NCOR2: variants seen among roughly 807,000 people sequenced by gnomAD.
NCOR2 encodes the protein nuclear receptor corepressor 2.
Under a neutral mutation model 262.9 loss-of-function variants are expected in NCOR2, and 81 were observed. The ratio of observed to expected loss-of-function variants is 0.31; its 90% CI spans 0.26 to 0.37. The LOEUF is 0.37. Ranked by LOEUF, NCOR2 falls within the 10% of genes least tolerant of loss-of-function variation. NCOR2 has a pLI of 1.00. For missense variants in NCOR2, 3,385 were observed against 3,621.4 expected (o/e 0.93, Z 1.68); for synonymous variants, 1,659 against 1,559.3 (o/e 1.06, Z -1.51).
intron 20 of NCOR2, among the ~76,000 whole-genome samples, chr12:124,367,306 C>T (rs908772155): frequency 1.3e-5 from 2 of 152,008 alleles, no homozygotes; most frequent in Non-Finnish European, 2.9e-5. Context: ...CCTTCTTGAG[C>T]CCCCAGAGCA....
rs575921137 is a variant in NCOR2 at position 124,334,805 on chromosome 12, A to C, written c.6412-188T>G. On this transcript the variant is annotated intron_variant, in intron 40 of 46. Transcript: ENST00000405201. Reference sequence around the variant, plus strand: ...TGTGCATGGGAGTGGGGCTGTGGTCAGCGGTCCCAAGCTGGTAGTTGGCAG... The same window carrying C: ...TGTGCATGGGAGTGGGGCTGTGGTCCGCGGTCCCAAGCTGGTAGTTGGCAG... 8.8e-4 allele frequency: 524 copies of C among 594,582 alleles called. 2 individuals carry two copies. The highest frequency in any genetic ancestry group is 3.1e-3 in the Admixed American group (102 of 32,402). 36.8% of individuals were successfully genotyped at this position (594,582 alleles called of 1,614,324 possible). A position where few individuals can be genotyped will look rare whatever the true frequency, so the allele number is the denominator to read the frequency against.
chr12:124,402,760 C>T (rs560749021), intron 13 of NCOR2, among the ~76,000 whole-genome samples, 199 bp from the exon 16 acceptor site: 12 of 152,220 alleles, frequency 7.9e-5, no homozygotes, highest in South Asian at 6.2e-4. Flanking sequence ...GGGGTCTTGC[C>T]GCCCTAGGGG....
intron 1 of NCOR2, among the ~76,000 whole-genome samples, chr12:124,501,080 A>G (rs867546215): frequency 0.015 from 2,172 of 140,518 alleles, 40 homozygotes; most frequent in Admixed American, 0.051. Context: ...ACACACACAC[A>G]CACACACACA....
chr12:124,341,784 A>C, intron 34 of NCOR2, 39 bp downstream of exon 36: 1 of 1,565,098 alleles, frequency 6.4e-7, no homozygotes, highest in Non-Finnish European at 8.6e-7. Context: ...TTTGGGAATA[A>C]GGCCAAACCC....
chr12:124,474,915 C>T (rs1244880316), intron 3 of NCOR2, among the ~76,000 whole-genome samples: 1 of 152,108 alleles, frequency 6.6e-6, no homozygotes, highest in Non-Finnish European at 1.5e-5. Context: ...CCAGAGGACA[C>T]AGGGTGCATT....
intron 4 of NCOR2, 97 bp downstream of exon 6, chr12:124,472,855 C>T: frequency 1.3e-6 from 2 of 1,534,926 alleles, no homozygotes; most frequent in Non-Finnish European, 1.8e-6. Flanking sequence ...CACCCAGGAA[C>T]TTGGGAAGGG....
chr12:124,516,402 C>T (rs566104437), intron 1 of NCOR2, among the ~76,000 whole-genome samples: 48 of 152,250 alleles, frequency 3.2e-4, no homozygotes, highest in African/African-American at 1.0e-3. Context: ...CCTGGGGATC[C>T]CAAACAAAGG....
rs1242978640 is a variant in NCOR2, at chr12:124,451,238, C to T, written c.763-1371G>A. 3.3e-5 allele frequency among the ~76,000 whole-genome samples: 5 copies of T among 152,262 alleles called. No homozygotes were observed. The South Asian group carries it at 6.2e-4, about 19-fold the overall frequency. ...TACAACGCCGGCCCCCCGACTCCCT[C>T]GCTGGCCACGGAGGTGCAAGAGCTG... On this transcript the variant is annotated intron_variant, in intron 6 of 46. Coordinates refer to ENST00000405201, the Ensembl canonical transcript of NCOR2.
chr12:124,426,583 G>T (rs73225425), intron 11 of NCOR2, 39 bp downstream of exon 13: 5 of 1,526,208 alleles, frequency 3.3e-6, no homozygotes, highest in Non-Finnish European at 4.4e-6. Context: ...GGATGGGGGT[G>T]GGGGGCCGGG....
intron 19 of NCOR2, among the ~76,000 whole-genome samples, chr12:124,373,028 T>C (rs2039625742): frequency 6.6e-6 from 1 of 152,224 alleles, no homozygotes; most frequent in South Asian, 2.1e-4. Context: ...AAACTCAGGT[T>C]ACCTCTTGGG....
intron 1 of NCOR2, among the ~76,000 whole-genome samples, chr12:124,500,474 GAAA>G (rs1434943187): frequency 2.0e-5 from 3 of 152,230 alleles, no homozygotes; most frequent in Non-Finnish European, 4.4e-5. Flanking sequence ...ATCCACAGCG[GAAA>G]GCTCAGGCCG....
chr12:124,336,409 CAA>C (rs1165139654), intron 38 of NCOR2: 33 of 203,482 alleles, frequency 1.6e-4, no homozygotes, highest in South Asian at 3.6e-4. Context: ...AGCAAAAATC[CAA>C]AAAAAAAAAA....
rs533967291 is a variant in NCOR2, at chr12:124,325,691, C to G, written c.7364-108G>C. Reference sequence around the variant, plus strand: ...CAGAGGCCTCAGCGTTTCTGTCCAACAGTCCTCCCAGACCTTTCTAATTGC... The same window carrying G: ...CAGAGGCCTCAGCGTTTCTGTCCAAGAGTCCTCCCAGACCTTTCTAATTGC... On this transcript the variant is annotated intron_variant, in intron 46 of 46. Transcript: ENST00000405201. 1.2e-5 allele frequency: 8 copies of G among 693,568 alleles called. No individual in the cohort carries two copies. The South Asian group carries it at 4.9e-4, about 43-fold the overall frequency. The allele number at this position is 693,568 out of a possible 1,614,324, so 43.0% of individuals were successfully genotyped here. A position where few individuals can be genotyped will look rare whatever the true frequency, so the allele number is the denominator to read the frequency against.
chr12:124,551,068 T>C (rs890703550), intron 1 of NCOR2, among the ~76,000 whole-genome samples: 1 of 152,200 alleles, frequency 6.6e-6, no homozygotes, highest in African/African-American at 2.4e-5. Flanking sequence ...ATAAAAATAA[T>C]GATAGCTAAT....
rs201469143 is a variant in NCOR2, at chr12:124,372,500, C to T, written c.2329G>A (p.Gly777Arg). 1.4e-4 allele frequency: 227 copies of T among 1,584,202 alleles called. 1 individual carries two copies. The African/African-American group carries it at 1.9e-3, about 13-fold the overall frequency. The change falls in exon 20 of 47, where the codon GGG becomes AGG. Residue 777 changes from glycine to arginine, a missense_variant. By Grantham distance (125) the Gly-to-Arg change is moderately radical. Transcript: ENST00000405201. ...GGGGTGGGTGGCCCTGGGGGTGGCC[C>T]GTCGGCGCCCAGGGTGGCTGGGGGC...
upstream of NCOR2, among the ~76,000 whole-genome samples, chr12:124,500,128 G>A (rs1282081457): frequency 3.3e-5 from 5 of 152,110 alleles, no homozygotes; most frequent in African/African-American, 1.2e-4. Flanking sequence ...ACGGTGCCTG[G>A]GTGAGGTCAA....
intron 38 of NCOR2, 35 bp downstream of exon 40, chr12:124,336,718 G>A (rs1455679643): frequency 4.4e-6 from 7 of 1,607,758 alleles, no homozygotes; most frequent in African/African-American, 1.3e-5. Context: ...TGATAATCGC[G>A]TCTATGAAGG....
chr12:124,472,639 G>A (rs1036037955), intron 4 of NCOR2, among the ~76,000 whole-genome samples: 6 of 152,154 alleles, frequency 3.9e-5, no homozygotes, highest in Non-Finnish European at 7.3e-5. Context: ...TGTCTAATGC[G>A]GCAGCCTGTG....
rs779810896 is a variant in NCOR2, at chr12:124,356,824, G to A, written c.3101-42C>T. ...CTTCTCTGCTGAGGGCAGGAGGTGG[G>A]GCAGTCAGACCTCGGGAGCCCTGGC... On this transcript the variant is annotated intron_variant, in intron 22 of 46. Transcript: ENST00000405201. 2.1e-6 allele frequency: 3 copies of A among 1,436,100 alleles called. No homozygotes were observed. The South Asian group carries it at 4.6e-5, about 22-fold the overall frequency. 89.0% of individuals were successfully genotyped at this position (1,436,100 alleles called of 1,614,324 possible).
Sources: allele counts gnomAD v4.1 joint callset (sites outside exome capture counted in the v4.1 genomes callset), GRCh38; gene constraint gnomAD v4.1.1; transcripts MANE v1.5; gene names NCBI Gene and HGNC (gene_info 2026-07-23, HGNC 2026-07-21).